The following DPP8 variants were observed in gnomAD, a reference collection of about 807,000 sequenced individuals.
DPP8 encodes the protein DPP VIII.
In DPP8, 31 loss-of-function variants were observed where a neutral mutation model predicts 107.5. That is an observed-to-expected ratio of 0.29 (90% CI 0.22 to 0.39). The LOEUF is 0.39. Ranked by LOEUF, DPP8 falls within the 10% of genes least tolerant of loss-of-function variation. The pLI, the probability that DPP8 is intolerant of heterozygous loss-of-function variation, is 1.00. For synonymous variants in DPP8, 381 were observed against 356.6 expected (o/e 1.07, Z -0.77); for missense variants, 842 against 1,076.1 (o/e 0.78, Z 3.04).
intron 1 of DPP8, among the ~76,000 whole-genome samples, chr15:65,514,087 C>G (rs2071137231): frequency 6.6e-6 from 1 of 152,156 alleles, no homozygotes; most frequent in Admixed American, 6.5e-5. Context: ...CTATCACAGA[C>G]TAAAAGTTAT....
intron 3 of DPP8, among the ~76,000 whole-genome samples, chr15:65,502,173 G>A (rs1477001893): frequency 6.6e-6 from 1 of 152,030 alleles, no homozygotes. Context: ...ACAGGTGTGA[G>A]CCACCAAGCC....
chr15:65,458,303 C>A (rs1434602094), intron 15 of DPP8, among the ~76,000 whole-genome samples: 1 of 152,206 alleles, frequency 6.6e-6, no homozygotes. Flanking sequence ...CTCTGTCACC[C>A]AGGCAGGAGT....
chr15:65,465,143 T>C (rs541532182), intron 14 of DPP8, among the ~76,000 whole-genome samples: 1 of 152,010 alleles, frequency 6.6e-6, no homozygotes, highest in Admixed American at 6.6e-5. Flanking sequence ...TTATATTTTT[T>C]GGTTCTGTAC....
rs397969608 is a variant in DPP8, at chr15:65,446,616, CT to C, written c.*267del. 5,974 of 119,048 alleles carry C rather than the reference CT, an allele frequency of 0.05. 307 individuals carry two copies. The highest frequency in any genetic ancestry group is 0.15 in the African/African-American group (4,795 of 32,470). 7.4% of individuals were successfully genotyped at this position (119,048 alleles called of 1,614,324 possible). ...TAGTATGAATACATGGTGCTAATGT[CT>C]TTTTTTTTTTTTTTTTTTTAGTAAT... On this transcript the variant is annotated 3_prime_UTR_variant, in exon 20 of 20. Transcript: ENST00000300141.
intron 4 of DPP8, 106 bp from the exon 5 acceptor site, chr15:65,498,138 G>A: frequency 1.2e-6 from 1 of 868,760 alleles, no homozygotes; most frequent in Non-Finnish European, 1.6e-6. Context: ...TGTCAACAAT[G>A]AGGCCGGGCG....
At position 65,450,988 on chromosome 15, in the gene DPP8, G is replaced by A; in HGVS notation, c.2526+11C>T. The A allele has an allele frequency of 6.9e-7, 1 of 1,455,346 alleles. No homozygotes were observed. The highest frequency in any genetic ancestry group is 9.6e-7 in the Non-Finnish European group (1 of 1,040,464). 90.2% of individuals were successfully genotyped at this position (1,455,346 alleles called of 1,614,324 possible). ...TGACTGCATTTAACTAGAAAATGTA[G>A]AGTAACTCACCTGTAAATCATATGG... On this transcript the variant is annotated intron_variant, in intron 19 of 19. Transcript: ENST00000300141.
intron 12 of DPP8, among the ~76,000 whole-genome samples, chr15:65,473,338 A>AG (rs1451359526): frequency 7.2e-5 from 11 of 152,034 alleles, no homozygotes; most frequent in African/African-American, 2.4e-4. Context: ...AAAAAAAAAA[A>AG]AAGAAGAATA....
intron 1 of DPP8, chr15:65,516,342 T>C (rs1374895189): frequency 6.6e-6 from 1 of 152,170 alleles, no homozygotes; most frequent in East Asian, 1.9e-4. Flanking sequence ...TTAAGTGCAT[T>C]CCATTTTCTT....
At chr15:65,483,228 T>C (rs2067093029) in intron 8 of DPP8, among the ~76,000 whole-genome samples, 1 of 151,938 alleles carries the variant, frequency 6.6e-6, no homozygotes, top group Non-Finnish European at 1.5e-5. Flanking sequence ...GGTGGGAATA[T>C]AATAAAATAG....
chr15:65,490,646 A>T (rs1011245587), intron 5 of DPP8, among the ~76,000 whole-genome samples: 1 of 152,214 alleles, frequency 6.6e-6, no homozygotes. Flanking sequence ...TGGAAAAAAG[A>T]TTACAAGAAA....
chr15:65,479,751 G>A (rs1218058268), intron 10 of DPP8, among the ~76,000 whole-genome samples: 1 of 150,808 alleles, frequency 6.6e-6, no homozygotes, highest in Non-Finnish European at 1.5e-5. Context: ...GGCTGAGGCA[G>A]GAGAATGGCG....
chr15:65,447,290 G>A (rs2063548582), intron 19 of DPP8, among the ~76,000 whole-genome samples: 1 of 152,096 alleles, frequency 6.6e-6, no homozygotes. Flanking sequence ...GGATAGACAC[G>A]GTCAAAACTA....
At chr15:65,508,501 G>A (rs1415480361) in intron 2 of DPP8, among the ~76,000 whole-genome samples, 1 of 152,218 alleles carries the variant, frequency 6.6e-6, no homozygotes, top group Non-Finnish European at 1.5e-5. Context: ...AACACACTAT[G>A]GTTATGAAGA....
intron 5 of DPP8, among the ~76,000 whole-genome samples, chr15:65,496,713 C>T (rs2068636093): frequency 6.6e-6 from 1 of 151,954 alleles, no homozygotes; most frequent in East Asian, 1.9e-4. Flanking sequence ...TGCAGTGGCG[C>T]AATCACGTTT....
intron 8 of DPP8, 131 bp from the exon 9 acceptor site, chr15:65,481,746 G>T (rs1218668975): frequency 5.7e-6 from 3 of 526,590 alleles, no homozygotes; most frequent in Non-Finnish European, 9.8e-6. Flanking sequence ...AAGGAACAAA[G>T]GATATAGCAA....
At chr15:65,490,848 C>T (rs2067958499) in intron 5 of DPP8, among the ~76,000 whole-genome samples, 1 of 152,012 alleles carries the variant, frequency 6.6e-6, no homozygotes, top group Non-Finnish European at 1.5e-5. Flanking sequence ...TAAAAGAAAA[C>T]CACAAAGCCA....
intron 7 of DPP8, among the ~76,000 whole-genome samples, chr15:65,485,579 A>AGACAT (rs2067342462): frequency 6.6e-6 from 1 of 151,052 alleles, no homozygotes; most frequent in African/African-American, 2.4e-5. Flanking sequence ...AGAAAGAAAG[A>AGACAT]GACATAAATG....
chr15:65,474,350 T>A, intron 11 of DPP8, 62 bp from the exon 12 acceptor site: 1 of 1,232,828 alleles, frequency 8.1e-7, no homozygotes, highest in Non-Finnish European at 1.2e-6. Flanking sequence ...ATGAAACAAT[T>A]AAGAACAGTA....
rs779778251 is a variant in DPP8 at position 65,487,745 on chromosome 15, A to T, written c.900T>A (p.Val300=). 1 of 1,606,686 alleles carries T rather than the reference A, an allele frequency of 6.2e-7. No homozygotes were observed. Among genetic ancestry groups the T allele is most frequent in the Non-Finnish European group, 8.5e-7 (1 of 1,173,964 alleles). ...NDESEVEIIH[V]TSPMLETRRA... ...TCCTTGTTTCCAACATAGGGGATGT[A>T]ACATGAATAATTTCCACCTCAGATT... Residue 300 remains valine, a synonymous_variant, in exon 7 of 20, where the codon GTT becomes GTA. Coordinates refer to ENST00000300141, the MANE Select transcript of DPP8 (RefSeq NM_130434.5).
Sources: gnomAD v4.1 joint callset for allele counts (sites outside exome capture counted in the v4.1 genomes callset) on GRCh38, gnomAD v4.1.1 for gene constraint, MANE v1.5 for transcripts, NCBI Gene and HGNC (gene_info 2026-07-23, HGNC 2026-07-21) for gene names.